The following SPAG17 variants were observed in gnomAD, a reference collection of about 807,000 sequenced individuals.
SPAG17 encodes sperm associated antigen 17.
A neutral mutation model predicts 273.6 loss-of-function variants in SPAG17; 169 were observed. The ratio of observed to expected loss-of-function variants is 0.62; its 90% confidence interval spans 0.55 to 0.70. The LOEUF is 0.70. Among genes scored for constraint, SPAG17 ranks in the 30% least tolerant of loss-of-function variants. SPAG17 has a pLI of 0.00. For missense variants in SPAG17, 2,557 were observed against 2,627.8 expected, an observed-to-expected ratio of 0.97 and a Z score of 0.59; for synonymous variants, 825 against 873.2, an observed-to-expected ratio of 0.94 and a Z score of 0.97.
intron 4 of SPAG17, among the ~76,000 whole-genome samples, chr1:118,102,484 T>G (rs1656132830): frequency 1.3e-5 from 2 of 152,216 alleles, no homozygotes; most frequent in African/African-American, 4.8e-5. Flanking sequence ...GAACTTAGCA[T>G]TAACTAAGTA....
At chr1:118,031,433 G>C (rs920922754) in intron 25 of SPAG17, among the ~76,000 whole-genome samples, 13 of 152,058 alleles carry the variant, frequency 8.5e-5, no homozygotes, top group Non-Finnish European at 1.9e-4. Context: ...TGGAAAAAAG[G>C]TTGAACTAAG....
intron 4 of SPAG17, among the ~76,000 whole-genome samples, chr1:118,104,283 A>G (rs1206845006): frequency 6.6e-6 from 1 of 152,236 alleles, no homozygotes; most frequent in Admixed American, 6.5e-5. Flanking sequence ...ACATTAAGAT[A>G]GTGCTGTGGA....
chr1:118,101,402 C>T (rs1346644391), intron 5 of SPAG17, among the ~76,000 whole-genome samples: 3 of 152,158 alleles, frequency 2.0e-5, no homozygotes, highest in Non-Finnish European at 1.5e-5. Flanking sequence ...GCCTGGGTGA[C>T]AGAGGAAGAC....
chr1:118,136,905 A>G (rs1303978687), intron 3 of SPAG17, among the ~76,000 whole-genome samples: 1 of 152,150 alleles, frequency 6.6e-6, no homozygotes, highest in East Asian at 1.9e-4. Context: ...ATGCTTTTGC[A>G]TAGGGAATTG....
chr1:118,035,345 C>T (rs1171328895), intron 24 of SPAG17, among the ~76,000 whole-genome samples: 2 of 152,078 alleles, frequency 1.3e-5, no homozygotes, highest in Non-Finnish European at 2.9e-5. Context: ...GTAGGAGCAA[C>T]AGAATTGATA....
chr1:118,174,241 G>A (rs1288159134), intron 1 of SPAG17, among the ~76,000 whole-genome samples: 1 of 152,060 alleles, frequency 6.6e-6, no homozygotes, highest in Non-Finnish European at 1.5e-5. Context: ...TCCAGAAACT[G>A]ACATATGAAT....
At position 117,958,903 on chromosome 1, in the gene SPAG17, C is replaced by G. The variant is rs377441249; in HGVS notation, c.*1-4854G>C. 3.2e-5 allele frequency: 51 copies of G among 1,609,426 alleles called. No homozygotes were observed. In the African/African-American group the frequency reaches 6.2e-4, roughly 20 times the overall value. The stretch of plus-strand genomic sequence containing the variant: ...TGCAACATGGCTGTGTTTTGTTTTT[C>G]TATCAGGATTCACTTTGGACAGATC... On this transcript the variant is annotated intron_variant, in intron 48 of 48. Transcript: ENST00000336338.
intron 37 of SPAG17, 116 bp downstream of exon 37, chr1:117,991,299 A>C (rs965024186): frequency 1.6e-5 from 9 of 563,700 alleles, no homozygotes; most frequent in Non-Finnish European, 2.4e-5. Context: ...AATTATGAGG[A>C]GGGAGCAAAT....
At chr1:118,000,193 G>T (rs1188728735) in intron 32 of SPAG17, among the ~76,000 whole-genome samples, 1 of 152,244 alleles carries the variant, frequency 6.6e-6, no homozygotes, top group East Asian at 1.9e-4. Context: ...TCTCTGTTTT[G>T]ATACCAGTAC....
intron 10 of SPAG17, among the ~76,000 whole-genome samples, chr1:118,090,802 A>G (rs1570675883): frequency 6.6e-6 from 1 of 152,128 alleles, no homozygotes; most frequent in East Asian, 1.9e-4. Context: ...TGGGAGGAAC[A>G]CTGAGCCCAT....
At chr1:118,047,297 C>G (rs1293953365) in intron 20 of SPAG17, among the ~76,000 whole-genome samples, 3 of 152,182 alleles carry the variant, frequency 2.0e-5, no homozygotes, top group Non-Finnish European at 4.4e-5. Flanking sequence ...ACTACCCACA[C>G]ATGAAAACAC....
rs533573006 is a variant in SPAG17 at position 117,982,936 on chromosome 1, T to A, written c.5872+875A>T. Among the ~76,000 whole-genome samples, 30 of 152,304 alleles carry A rather than the reference T, an allele frequency of 2.0e-4. No individual in the cohort carries two copies. The South Asian group carries it at 3.5e-3, about 18-fold the overall frequency. On this transcript the variant is annotated intron_variant, in intron 42 of 48. Coordinates refer to ENST00000336338, the MANE Select transcript of SPAG17 (RefSeq NM_206996.4). ...TAGAATGTCTGCATTTTGGTAGACA[T>A]TTTTCTCTGTTTCCTCTTGATTAGA...
intron 1 of SPAG17, among the ~76,000 whole-genome samples, chr1:118,163,576 T>C (rs2102376792): frequency 6.6e-6 from 1 of 151,284 alleles, no homozygotes; most frequent in Admixed American, 6.6e-5. Flanking sequence ...AATGACCTCT[T>C]CTCTAACTGT....
rs1290265779 is a variant in SPAG17 at position 118,039,145 on chromosome 1, T to TA, written c.3319+146dup. The TA allele has an allele frequency of 3.7e-6, 3 of 811,712 alleles. No homozygotes were observed. In the African/African-American group the frequency reaches 5.3e-5, roughly 14 times the overall value. The allele number at this position is 811,712 out of a possible 1,614,324, so 50.3% of individuals were successfully genotyped here. A position where few individuals can be genotyped will look rare whatever the true frequency, so the allele number is the denominator to read the frequency against. On this transcript the variant is annotated intron_variant, in intron 23 of 48. Coordinates refer to ENST00000336338, the MANE Select transcript of SPAG17 (RefSeq NM_206996.4). ...TCCATTAGGGTTCAGTTCAGGAAAATAGGCAACTTCATGCACTATTAATAA... is the reference window on the plus strand; with the variant it reads ...TCCATTAGGGTTCAGTTCAGGAAAATAAGGCAACTTCATGCACTATTAATAA...
At chr1:118,131,623 T>C (rs1402407924) in intron 3 of SPAG17, among the ~76,000 whole-genome samples, 1 of 152,242 alleles carries the variant, frequency 6.6e-6, no homozygotes, top group Non-Finnish European at 1.5e-5. Flanking sequence ...AATTTTTGAA[T>C]GAAATCAGAT....
intron 1 of SPAG17, among the ~76,000 whole-genome samples, chr1:118,174,128 A>C (rs1474672639): frequency 2.0e-5 from 3 of 152,198 alleles, no homozygotes; most frequent in Non-Finnish European, 4.4e-5. Flanking sequence ...ACTGTCCTTG[A>C]AGAAATACAC....
At chr1:118,172,730 T>C (rs1660477208) in intron 1 of SPAG17, among the ~76,000 whole-genome samples, 1 of 152,206 alleles carries the variant, frequency 6.6e-6, no homozygotes, top group Non-Finnish European at 1.5e-5. Context: ...GTCTGGTCTA[T>C]GGATATTCTC....
intron 40 of SPAG17, among the ~76,000 whole-genome samples, chr1:117,985,648 G>A (rs1330256945): frequency 6.6e-6 from 1 of 152,026 alleles, no homozygotes; most frequent in Non-Finnish European, 1.5e-5. Context: ...GCACTGATTT[G>A]GAGGTTTTCT....
intron 17 of SPAG17, among the ~76,000 whole-genome samples, chr1:118,068,680 T>G (rs1414698946): frequency 1.3e-5 from 2 of 152,204 alleles, no homozygotes; most frequent in Admixed American, 6.5e-5. Flanking sequence ...GTTAAGTTTT[T>G]CATTAAAAAT....
Sources: gnomAD v4.1 joint callset for allele counts (sites outside exome capture counted in the v4.1 genomes callset) on GRCh38, gnomAD v4.1.1 for gene constraint, MANE v1.5 for transcripts, NCBI Gene and HGNC (gene_info 2026-07-23, HGNC 2026-07-21) for gene names.